Variants in PGGHG observed in about 807,000 individuals in gnomAD.
PGGHG encodes protein-glucosylgalactosylhydroxylysine glucosidase.
PGGHG carries 67 observed loss-of-function variants against 74.5 expected under a neutral mutation model. The observed-to-expected ratio is 0.90, with a 90% CI of 0.74 to 1.10. PGGHG has a LOEUF of 1.10. PGGHG is among the 50% of genes least tolerant of loss of function. The pLI is 0.00. For synonymous variants in PGGHG, 496 were observed against 419.9 expected (o/e 1.18, Z -2.21); for missense variants, 1,034 against 981.5 (o/e 1.05, Z -0.72).
chr11:293,076 C>T (rs542587412), intron 7 of PGGHG, 79 bp downstream of exon 7: 14 of 1,613,864 alleles, frequency 8.7e-6, no homozygotes, highest in African/African-American at 4.0e-5. Context: ...AGACACCTCA[C>T]GTGTGCCAGC....
intron 4 of PGGHG, chr11:291,658 T>C (rs1806450130): frequency 6.3e-6 from 2 of 319,990 alleles, no homozygotes; most frequent in Non-Finnish European, 1.2e-5. Context: ...GGCCGTTTCT[T>C]TGATGAGGCT....
chr11:289,837 C>T lies in PGGHG; in HGVS notation c.21C>T (p.Asp7=), dbSNP rs752547843. 10 of 1,550,632 alleles carry T rather than the reference C, an allele frequency of 6.4e-6. No individual in the cohort carries two copies. In the Admixed American group the frequency reaches 2.0e-4, roughly 30 times the overall value. MEDAGE[D]PTTFAAHSLP... ...GCTCCATGGAGGACGCCGGCGAGGA[C>T]CCCACCACGTTTGCTGCCCACTCTC... The change falls in exon 2 of 14, where the codon GAC becomes GAT. Residue 7 remains aspartate (D), a synonymous_variant. Coordinates refer to ENST00000409548, the MANE Select transcript of PGGHG (RefSeq NM_025092.5). The surrounding 1 kb of genome is among the most constrained non-coding windows in gnomAD (Gnocchi z 5.6).
rs748692840 is a variant in PGGHG, at chr11:290,356, G to A, written c.260-34G>A. The A allele has an allele frequency of 4.6e-6, 7 of 1,530,820 alleles. No individual in the cohort carries two copies. The South Asian group carries it at 8.4e-5, about 18-fold the overall frequency. The allele number at this position is 1,530,820 out of a possible 1,614,324, so 94.8% of individuals were successfully genotyped here. On this transcript the variant is annotated intron_variant, in intron 2 of 13. Coordinates refer to ENST00000409548, the MANE Select transcript of PGGHG (RefSeq NM_025092.5). ...TCCTGCCCCAGAGAGGCCATAGCTTGGCAACCCACCTGCCTTCGCTTCTGC... is the reference window on the plus strand; with the variant it reads ...TCCTGCCCCAGAGAGGCCATAGCTTAGCAACCCACCTGCCTTCGCTTCTGC...
Position 289,794 on chromosome 11 carries a change from G to C in PGGHG, c.-13-10G>C, listed in dbSNP as rs1443504219. 3 of 1,542,088 alleles carry C rather than the reference G, an allele frequency of 1.9e-6. No homozygotes were observed. The highest frequency in any genetic ancestry group is 1.8e-6 in the Non-Finnish European group (2 of 1,142,028). On this transcript the variant is annotated splice_polypyrimidine_tract_variant and intron_variant, in intron 1 of 13. Transcript: ENST00000409548. This position sits in a 1 kb window ranked among gnomAD's most constrained non-coding sequence, Gnocchi z 5.6. ...TCCCGCGGCCCCTGACACCCCATCA[G>C]GCCGCTCAGGCCCAGCAGCTCCATG...
At chr11:292,775 G>A in intron 6 of PGGHG, 98 bp downstream of exon 6, 1 of 1,606,938 alleles carries the variant, frequency 6.2e-7, no homozygotes, top group African/African-American at 1.3e-5. Context: ...GTCCTGGGAA[G>A]CTGGCTGAGG....
chr11:294,644 G>T lies in PGGHG; in HGVS notation c.2109G>T (p.Gly703=), dbSNP rs768206321. The T allele has an allele frequency of 6.3e-7, 1 of 1,579,996 alleles. No individual in the cohort carries two copies. Reference sequence around the variant, plus strand: ...GAAGTTCCAGCTCCGAGTTCCCTGGGAGGACTTTTTCAGATGTTAGGGACC... The same window carrying T: ...GAAGTTCCAGCTCCGAGTTCCCTGGTAGGACTTTTTCAGATGTTAGGGACC... ...LPGSSSSEFP[G]RTFSDVRDPL... Residue 703 remains glycine, a synonymous_variant, in exon 14 of 14, where the codon GGG becomes GGT. Coordinates refer to ENST00000409548, the MANE Select transcript of PGGHG (RefSeq NM_025092.5).
intron 4 of PGGHG, chr11:291,407 G>T: frequency 2.5e-6 from 1 of 399,276 alleles, no homozygotes; most frequent in Non-Finnish European, 4.5e-6. Context: ...AGACAGTAGT[G>T]TGGCGCTTGG....
rs1400535182 is a variant in PGGHG, at chr11:290,035, G to A, written c.219G>A (p.Gly73=). The part of the protein sequence containing the change: ...NVRLEAPAGM[G]EQLTETFALD... Reference sequence around the variant, plus strand: ...GGCTGGAGGCCCCTGCAGGGATGGGGGAGCAGCTGACCGAGACCTTCGCCC... The same window carrying A: ...GGCTGGAGGCCCCTGCAGGGATGGGAGAGCAGCTGACCGAGACCTTCGCCC... Residue 73 remains glycine (G), a synonymous_variant, in exon 2 of 14, where the codon GGG becomes GGA. Coordinates refer to ENST00000409548, the MANE Select transcript of PGGHG (RefSeq NM_025092.5). 5 of 1,543,742 alleles carry A rather than the reference G, an allele frequency of 3.2e-6. No individual in the cohort carries two copies. The highest frequency in any genetic ancestry group is 4.4e-6 in the Non-Finnish European group (5 of 1,146,174).
chr11:290,480 G>A lies in PGGHG; in HGVS notation c.350G>A (p.Arg117Gln), dbSNP rs759014961. Reference sequence around the variant, plus strand: ...ACGCTGCCCCACGTGCTGGCTTTCCGAGTGTCCATCGCCCGCCTGGCCCCG... The same window carrying A: ...ACGCTGCCCCACGTGCTGGCTTTCCAAGTGTCCATCGCCCGCCTGGCCCCG... Reference protein sequence around the residue: ...HRTLPHVLAFRVSIARLAPGS... With the variant: ...HRTLPHVLAFQVSIARLAPGS... The change falls in exon 3 of 14, where the codon CGA (arginine) becomes CAA (glutamine). Residue 117 changes from arginine to glutamine, a missense_variant. Coordinates refer to ENST00000409548, the MANE Select transcript of PGGHG (RefSeq NM_025092.5). 20 of 1,550,184 alleles carry A rather than the reference G, an allele frequency of 1.3e-5. No individual in the cohort carries two copies. Among genetic ancestry groups the A allele is most frequent in the East Asian group, 1.2e-4 (5 of 40,910 alleles).
In PGGHG at chr11:289,393, C is replaced by G. The variant is rs1845649219; in HGVS notation, c.-14+154C>G. On this transcript the variant is annotated intron_variant, in intron 1 of 13. Coordinates refer to ENST00000409548, the MANE Select transcript of PGGHG (RefSeq NM_025092.5). The surrounding 1 kb of genome is among the most constrained non-coding windows in gnomAD (Gnocchi z 5.6). Reference sequence around the variant, plus strand: ...CGCCCGGCGCCCCGGCAGCCCCGGACTCCCTCCCCCATCCCGCCCAGCGCT... The same window carrying G: ...CGCCCGGCGCCCCGGCAGCCCCGGAGTCCCTCCCCCATCCCGCCCAGCGCT... 6.9e-6 allele frequency among the ~76,000 whole-genome samples: 1 copy of G among 145,742 alleles called. No homozygotes were observed. The highest frequency in any genetic ancestry group is 1.5e-5 in the Non-Finnish European group (1 of 65,838).
chr11:292,424 G>A, intron 5 of PGGHG, 122 bp from the exon 6 acceptor site: 1 of 1,291,900 alleles, frequency 7.7e-7, no homozygotes, highest in Non-Finnish European at 1.1e-6. Context: ...TCTAGCAGTA[G>A]CACCCGCCAG....
Position 294,708 on chromosome 11 carries a change from A to G in PGGHG, c.2173A>G (p.Ser725Gly). ...CCTCTGGGTCACCCTGGGTTCCTCCAGCCCCACCGAGTCACTCACTGTGGA... is the reference window on the plus strand; with the variant it reads ...CCTCTGGGTCACCCTGGGTTCCTCCGGCCCCACCGAGTCACTCACTGTGGA... ...SPLWVTLGSS[S>G]PTESLTVDPA... Residue 725 changes from serine to glycine, a missense_variant, in exon 14 of 14, where the codon AGC becomes GGC. Ser to Gly is a moderately conservative substitution (Grantham distance 56). Coordinates refer to ENST00000409548, the MANE Select transcript of PGGHG (RefSeq NM_025092.5). 2 of 1,611,254 alleles carry G rather than the reference A, an allele frequency of 1.2e-6. No individual in the cohort carries two copies. Among genetic ancestry groups the G allele is most frequent in the Non-Finnish European group, 1.7e-6 (2 of 1,178,902 alleles).
chr11:293,200 C>A lies in PGGHG; in HGVS notation c.1308C>A (p.Asn436Lys). The stretch of plus-strand genomic sequence containing the variant: ...CCGACGAGTACCATTCAGGGGTCAA[C>A]AACTCTGTGTACACCAACGTCCTGG... ...MSPDEYHSGV[N>K]NSVYTNVLVQ... Residue 436 changes from asparagine (N) to lysine (K), a missense_variant, in exon 8 of 14, where the codon AAC becomes AAA. Coordinates refer to ENST00000409548, the MANE Select transcript of PGGHG (RefSeq NM_025092.5). 1 of 1,613,842 alleles carries A rather than the reference C, an allele frequency of 6.2e-7. No individual in the cohort carries two copies. The highest frequency in any genetic ancestry group is 8.5e-7 in the Non-Finnish European group (1 of 1,179,992).
At chr11:290,125 C>A (rs1400259268) in intron 2 of PGGHG, 50 bp downstream of exon 2, 6 of 1,481,608 alleles carry the variant, frequency 4.0e-6, no homozygotes, top group African/African-American at 1.4e-5. Flanking sequence ...TGTTCCAGGT[C>A]GGTGGGGCAA....
Position 292,663 on chromosome 11 carries a change from T to C in PGGHG, c.1144T>C (p.Tyr382His). ...GAVVLAFELY[Y>H]HTTQDLQLFR... ...CGTGGTGTTGGCCTTCGAGCTGTAC[T>C]ACCATACCACCCAGGTGAGGTGCTG... Residue 382 changes from tyrosine to histidine, a missense_variant, in exon 6 of 14, where the codon TAC (tyrosine) becomes CAC (histidine). Tyr to His is a moderately conservative substitution (Grantham distance 83, BLOSUM62 2). Coordinates refer to ENST00000409548, the MANE Select transcript of PGGHG (RefSeq NM_025092.5). 1 of 1,613,790 alleles carries C rather than the reference T, an allele frequency of 6.2e-7. No individual in the cohort carries two copies. The highest frequency in any genetic ancestry group is 8.5e-7 in the Non-Finnish European group (1 of 1,179,992).
At chr11:292,860 CCT>C in intron 6 of PGGHG, 24 bp from the exon 7 acceptor site, 7 of 1,613,546 alleles carry the variant, frequency 4.3e-6, no homozygotes, top group Non-Finnish European at 5.9e-6. Context: ...GGGGCCCTGG[CCT>C]CTGTGCCTCC....
chr11:293,917 C>T lies in PGGHG; in HGVS notation c.1702C>T (p.Pro568Ser). 6.2e-6 allele frequency: 10 copies of T among 1,612,198 alleles called. No homozygotes were observed. The highest frequency in any genetic ancestry group is 3.3e-5 in the South Asian group (3 of 90,938). ...LDRSFANMAE[P>S]FKVWTENADG... is the part of the protein sequence containing the mutation. Reference sequence around the variant, plus strand: ...CAGGAGCTTTGCCAACATGGCTGAACCCTTCAAGGTCAGCCTGGCCACACC... The same window carrying T: ...CAGGAGCTTTGCCAACATGGCTGAATCCTTCAAGGTCAGCCTGGCCACACC... Residue 568 changes from proline to serine, a missense_variant, in exon 11 of 14, where the codon CCC becomes TCC. Pro to Ser is a moderately conservative substitution (Grantham distance 74, BLOSUM62 -1). Coordinates refer to ENST00000409548, the MANE Select transcript of PGGHG (RefSeq NM_025092.5).
chr11:291,461 G>A (rs537438796), intron 4 of PGGHG: 71 of 297,582 alleles, frequency 2.4e-4, no homozygotes, highest in Non-Finnish European at 3.8e-4. Context: ...CTATCAGGAC[G>A]GGGACCTGTG....
In PGGHG at chr11:289,577, G is replaced by T; in HGVS notation, c.-13-227G>T. The T allele has an allele frequency of 1.7e-6, 1 of 577,892 alleles. No individual in the cohort carries two copies. The highest frequency in any genetic ancestry group is 3.0e-6 in the Non-Finnish European group (1 of 331,258). The allele number at this position is 577,892 out of a possible 1,614,324, so 35.8% of individuals were successfully genotyped here. A position where few individuals can be genotyped will look rare whatever the true frequency, so the allele number is the denominator to read the frequency against. On this transcript the variant is annotated intron_variant, in intron 1 of 13. Coordinates refer to ENST00000409548, the MANE Select transcript of PGGHG (RefSeq NM_025092.5). The surrounding 1 kb of genome is among the most constrained non-coding windows in gnomAD (Gnocchi z 5.6). ...AGCAGGAGGGAGAGACACACTCAGG[G>T]GCTCAGCTGGGTTCCTGGAGATCAA... is the stretch of plus-strand genomic sequence containing the variant.
Sources: gnomAD v4.1 joint callset for allele counts (sites outside exome capture counted in the v4.1 genomes callset) on GRCh38, gnomAD v4.1.1 for gene constraint, Gnocchi (gnomAD v3.1) non-coding constraint, MANE v1.5 for transcripts, NCBI Gene and HGNC (gene_info 2026-07-23, HGNC 2026-07-21) for gene names.